PDE3A: variants seen among roughly 807,000 people sequenced by gnomAD.
PDE3A encodes the protein phosphodiesterase 3A.
PDE3A carries 43 observed loss-of-function variants against 98.3 expected under a neutral mutation model. The ratio of observed to expected loss-of-function variants is 0.44; its 90% CI spans 0.34 to 0.56. The LOEUF (loss-of-function observed/expected upper bound fraction) is 0.56, where lower values mean the gene tolerates loss of function less well. Among genes scored for constraint, PDE3A ranks in the 20% least tolerant of loss-of-function variants. The pLI is 0.01. For synonymous variants in PDE3A, 663 were observed against 567.9 expected (o/e 1.17, Z -2.38); for missense variants, 1,427 against 1,440.7 (o/e 0.99, Z 0.15).
At chr12:20,476,163 T>G (rs1229954261) in intron 1 of PDE3A, among the ~76,000 whole-genome samples, 1 of 152,194 alleles carries the variant, frequency 6.6e-6, no homozygotes, top group Non-Finnish European at 1.5e-5. Flanking sequence ...CTTTTATTCT[T>G]ATTTTGAGGA....
chr12:20,480,256 T>G (rs575508853), intron 1 of PDE3A, among the ~76,000 whole-genome samples: 11 of 152,346 alleles, frequency 7.2e-5, no homozygotes, highest in Admixed American at 5.2e-4. Context: ...AGACAGTTAA[T>G]TGTACGAAAA....
chr12:20,463,585 T>C (rs1945289946), intron 1 of PDE3A, among the ~76,000 whole-genome samples: 1 of 152,208 alleles, frequency 6.6e-6, no homozygotes, highest in South Asian at 2.1e-4. Flanking sequence ...GCTTATATCA[T>C]AGCAAACAAT....
chr12:20,369,335 T>G lies in PDE3A; in HGVS notation c.51T>G (p.Ser17Arg), dbSNP rs1943410864. ...AARVRDKPVH[S>R]GVSQAPTAGR... ...GAGTCAGGGACAAGCCCGTCCACAG[T>G]GGGGTGAGTCAAGCCCCCACGGCGG... The change falls in exon 1 of 16, where the codon AGT becomes AGG. Residue 17 changes from serine to arginine, a missense_variant. Ser to Arg is a moderately radical substitution (Grantham distance 110, BLOSUM62 -1). Coordinates refer to ENST00000359062, the MANE Select transcript of PDE3A (RefSeq NM_000921.5). 6.5e-7 allele frequency: 1 copy of G among 1,547,786 alleles called. No homozygotes were observed. The highest frequency in any genetic ancestry group is 8.7e-7 in the Non-Finnish European group (1 of 1,145,942).
intron 1 of PDE3A, among the ~76,000 whole-genome samples, chr12:20,393,363 C>T (rs1051806991): frequency 6.6e-6 from 1 of 151,912 alleles, no homozygotes; most frequent in Non-Finnish European, 1.5e-5. Context: ...TCTCATGAGA[C>T]TTATTCACTA....
chr12:20,589,483 G>T (rs949781355), intron 2 of PDE3A, among the ~76,000 whole-genome samples: 1 of 152,076 alleles, frequency 6.6e-6, no homozygotes, highest in African/African-American at 2.4e-5. Flanking sequence ...GAAGTAGAAG[G>T]TTTGCTGGCA....
At chr12:20,497,037 G>A (rs938127477) in intron 1 of PDE3A, among the ~76,000 whole-genome samples, 13 of 152,104 alleles carry the variant, frequency 8.5e-5, no homozygotes, top group Admixed American at 7.9e-4. Context: ...TTTATGTTAC[G>A]TGTTGAAGTG....
In PDE3A at chr12:20,637,908, T is replaced by C. The variant is rs537785343; in HGVS notation, c.2139+671T>C. 5.5e-4 allele frequency among the ~76,000 whole-genome samples: 83 copies of C among 152,282 alleles called. No individual in the cohort carries two copies. In the South Asian group the frequency reaches 0.017, roughly 31 times the overall value. On this transcript the variant is annotated intron_variant, in intron 9 of 15. Coordinates refer to ENST00000359062, the MANE Select transcript of PDE3A (RefSeq NM_000921.5). Reference sequence around the variant, plus strand: ...ACAAAATGATGGATTTGCTGTACTATGGAATAGCTATCGAAATACACACCC... The same window carrying C: ...ACAAAATGATGGATTTGCTGTACTACGGAATAGCTATCGAAATACACACCC...
chr12:20,621,328 C>A lies in PDE3A; in HGVS notation c.1457C>A (p.Thr486Asn). ...TCTTGGAATAATCCAGTGATGATGA[C>A]CCTCACCAAAAGCAGATCCTTTACT... ...PDSWNNPVMM[T>N]LTKSRSFTSS... Residue 486 changes from threonine to asparagine, a missense_variant, in exon 5 of 16, where the codon ACC (threonine) becomes AAC (asparagine). Coordinates refer to ENST00000359062, the MANE Select transcript of PDE3A (RefSeq NM_000921.5). 1.2e-6 allele frequency: 2 copies of A among 1,607,122 alleles called. No homozygotes were observed. The highest frequency in any genetic ancestry group is 1.7e-6 in the Non-Finnish European group (2 of 1,173,936).
At chr12:20,646,166 A>T (rs927775668) in intron 10 of PDE3A, among the ~76,000 whole-genome samples, 9 of 152,230 alleles carry the variant, frequency 5.9e-5, no homozygotes, top group African/African-American at 2.2e-4. Flanking sequence ...GGAGCATGAA[A>T]ATAAGTACCA....
intron 1 of PDE3A, among the ~76,000 whole-genome samples, chr12:20,436,249 A>G (rs10841524): frequency 0.31 from 46,880 of 152,038 alleles, 8,898 homozygotes; most frequent in East Asian, 0.65. Context: ...AGGAAGTTAC[A>G]GCTTCAATGA....
intron 1 of PDE3A, among the ~76,000 whole-genome samples, chr12:20,519,504 C>T (rs889478237): frequency 3.9e-5 from 6 of 152,178 alleles, no homozygotes; most frequent in African/African-American, 1.4e-4. Flanking sequence ...TCATAGAACA[C>T]ATTGTATGAA....
At chr12:20,612,338 T>C (rs538260255) in intron 2 of PDE3A, among the ~76,000 whole-genome samples, 29 of 151,784 alleles carry the variant, frequency 1.9e-4, no homozygotes, top group Admixed American at 5.9e-4. Context: ...TTTTAGAAGC[T>C]CTCTGTTTGG....
At chr12:20,370,575 T>G (rs1943454670) in intron 1 of PDE3A, among the ~76,000 whole-genome samples, 1 of 152,198 alleles carries the variant, frequency 6.6e-6, no homozygotes. Context: ...CTCTTTTCAG[T>G]ACTCTTACGC....
rs536106036 is a variant in PDE3A, at chr12:20,644,399, T to C, written c.2252-2091T>C. ...ATATTTCCTAATGTAATTGTCACAA[T>C]TGTACCATGAATTTGGCAATATTAT... On this transcript the variant is annotated intron_variant, in intron 10 of 15. Coordinates refer to ENST00000359062, the MANE Select transcript of PDE3A (RefSeq NM_000921.5). Among the ~76,000 whole-genome samples the C allele has an allele frequency of 1.5e-4, 23 of 152,286 alleles. No homozygotes were observed. The South Asian group carries it at 3.9e-3, about 26-fold the overall frequency.
chr12:20,448,751 G>GTTTTTTTTTTTTTTTTTTTT (rs1265923346), intron 1 of PDE3A, among the ~76,000 whole-genome samples: 2 of 134,378 alleles, frequency 1.5e-5, no homozygotes, highest in East Asian at 2.6e-4. Context: ...TTTATTTTAA[G>GTTTTTTTTTTTTTTTTTTTT]GTTTTTTTTT....
chr12:20,624,530 C>T (rs112671547), intron 5 of PDE3A, among the ~76,000 whole-genome samples: 2,491 of 152,264 alleles, frequency 0.016, 80 homozygotes, highest in African/African-American at 0.058. Flanking sequence ...ATGAGAGCCA[C>T]AGGCATAGCA....
intron 1 of PDE3A, among the ~76,000 whole-genome samples, chr12:20,540,360 C>A (rs1211504722): frequency 1.3e-5 from 2 of 152,060 alleles, no homozygotes; most frequent in Non-Finnish European, 2.9e-5. Context: ...AGAGGAAAAT[C>A]ATTACAAACT....
chr12:20,553,629 G>T (rs1416784414), intron 1 of PDE3A, among the ~76,000 whole-genome samples: 2 of 151,364 alleles, frequency 1.3e-5, no homozygotes, highest in Non-Finnish European at 3.0e-5. Context: ...TCTGAGATCC[G>T]CGTGAAAAGT....
At chr12:20,474,466 C>T (rs1945494019) in intron 1 of PDE3A, among the ~76,000 whole-genome samples, 1 of 152,156 alleles carries the variant, frequency 6.6e-6, no homozygotes, top group South Asian at 2.1e-4. Context: ...GCATCTATAA[C>T]AAATTACCGC....
Sources: gnomAD v4.1 joint callset for allele counts (sites outside exome capture counted in the v4.1 genomes callset) on GRCh38, gnomAD v4.1.1 for gene constraint, MANE v1.5 for transcripts, NCBI Gene and HGNC (gene_info 2026-07-23, HGNC 2026-07-21) for gene names.